Variants in KAZN observed in about 807,000 individuals in gnomAD.
KAZN encodes the protein kazrin.
KAZN carries 40 observed loss-of-function variants against 87.4 expected under a neutral mutation model. That is an observed-to-expected ratio of 0.46 (90% CI 0.36 to 0.60). The LOEUF (loss-of-function observed/expected upper bound fraction) is 0.60, where lower values mean the gene tolerates loss of function less well. Among genes scored for constraint, KAZN ranks in the 20% least tolerant of loss-of-function variants. The pLI, the probability that KAZN is intolerant of heterozygous loss-of-function variation, is 0.00. For missense variants in KAZN, 898 were observed against 1,073.9 expected, an observed-to-expected ratio of 0.84 and a Z score of 2.29; for synonymous variants, 466 against 458.3, an observed-to-expected ratio of 1.02 and a Z score of -0.22.
At chr1:14,663,378 G>A (rs892349521) in intron 1 of KAZN, among the ~76,000 whole-genome samples, 1 of 152,208 alleles carries the variant, frequency 6.6e-6, no homozygotes. Context: ...ACAGGCAAGA[G>A]AGGGAGAGTC....
At chr1:14,312,708 A>G (rs1439107162) in intron 2 of KAZN, among the ~76,000 whole-genome samples, 1 of 152,074 alleles carries the variant, frequency 6.6e-6, no homozygotes, top group Non-Finnish European at 1.5e-5. Context: ...CACTTGAATG[A>G]TTGGGTTACA....
At chr1:14,439,227 C>G (rs1666565483) in intron 2 of KAZN, among the ~76,000 whole-genome samples, 1 of 152,210 alleles carries the variant, frequency 6.6e-6, no homozygotes, top group South Asian at 2.1e-4. Flanking sequence ...TGGTCATCAT[C>G]CTTCCTCCTT....
At chr1:14,531,295 C>G (rs183388648) in intron 2 of KAZN, among the ~76,000 whole-genome samples, 2 of 152,314 alleles carry the variant, frequency 1.3e-5, no homozygotes, top group East Asian at 3.9e-4. Context: ...AAGATCAAAA[C>G]AGTCATAGAA....
At chr1:14,909,166 C>T (rs547329378) in intron 1 of KAZN, among the ~76,000 whole-genome samples, 2 of 152,296 alleles carry the variant, frequency 1.3e-5, no homozygotes, top group South Asian at 4.1e-4. Context: ...CGTAGAGTTG[C>T]AGTGATAATT....
At position 14,234,409 on chromosome 1, in the gene KAZN, T is replaced by TGG. The variant is rs34408876; in HGVS notation, c.249+53822_249+53823dup. 1.1e-4 allele frequency among the ~76,000 whole-genome samples: 15 copies of TGG among 139,078 alleles called. No homozygotes were observed. The East Asian group carries it at 2.1e-3, about 19-fold the overall frequency. The allele number at this position is 139,078 out of a possible 152,430, so 91.2% of individuals were successfully genotyped here. A position where few individuals can be genotyped will look rare whatever the true frequency, so the allele number is the denominator to read the frequency against. On this transcript the variant is annotated intron_variant, in intron 2 of 16. Transcript: ENST00000636203. Reference sequence around the variant, plus strand: ...TCACACACCGGGGCCTGTTAGGGGATGGGGGGCTAGGGGTGGGATAGCATT... The same window carrying TGG: ...TCACACACCGGGGCCTGTTAGGGGATGGGGGGGGCTAGGGGTGGGATAGCATT...
intron 8 of KAZN, among the ~76,000 whole-genome samples, chr1:15,080,889 C>T (rs1310914175): frequency 2.6e-5 from 4 of 152,336 alleles, no homozygotes; most frequent in Middle Eastern, 6.8e-3. Context: ...TGCTCCCCAG[C>T]AGCTTGTGGT....
intron 1 of KAZN, among the ~76,000 whole-genome samples, chr1:13,933,991 T>A (rs1363863782): frequency 6.6e-6 from 1 of 152,174 alleles, no homozygotes; most frequent in Non-Finnish European, 1.5e-5. Context: ...GAAAGCCAGC[T>A]TGAAGTCAAG....
intron 1 of KAZN, among the ~76,000 whole-genome samples, chr1:14,113,092 T>C (rs1158559308): frequency 6.6e-6 from 1 of 152,244 alleles, no homozygotes; most frequent in African/African-American, 2.4e-5. Context: ...TGTTTATTTC[T>C]ACAGTGTAGA....
rs1397001523 is a variant in KAZN, at chr1:14,735,958, A to G, written c.226+136735A>G. On this transcript the variant is annotated intron_variant, in intron 1 of 14. Coordinates refer to ENST00000376030, the MANE Select transcript of KAZN (RefSeq NM_201628.3). The surrounding 1 kb of genome is among the most constrained non-coding windows in gnomAD (Gnocchi z 4.3). The stretch of plus-strand genomic sequence containing the variant: ...GGGGGGAATGTGGAGCCCCCGCAGG[A>G]AGATGAGTTACCTCCAACAAATAAG... Among the ~76,000 whole-genome samples, 1 of 152,154 alleles carries G rather than the reference A, an allele frequency of 6.6e-6. No individual in the cohort carries two copies. The highest frequency in any genetic ancestry group is 1.5e-5 in the Non-Finnish European group (1 of 68,032).
At chr1:14,655,858 C>G (rs1459778097) in intron 1 of KAZN, among the ~76,000 whole-genome samples, 1 of 152,160 alleles carries the variant, frequency 6.6e-6, no homozygotes, top group African/African-American at 2.4e-5. Context: ...AGAAGGGACC[C>G]AGAGCCAGCA....
intron 8 of KAZN, among the ~76,000 whole-genome samples, chr1:15,088,637 C>T (rs550156310): frequency 2.6e-5 from 4 of 152,220 alleles, no homozygotes; most frequent in South Asian, 2.1e-4. Context: ...TGATGGAATC[C>T]GGACATAAAA....
At chr1:15,012,075 T>TG (rs1669628721) in intron 2 of KAZN, among the ~76,000 whole-genome samples, 1 of 152,176 alleles carries the variant, frequency 6.6e-6, no homozygotes, top group Non-Finnish European at 1.5e-5. Flanking sequence ...GCAGGTCCCT[T>TG]GCATGTGGAG....
intron 1 of KAZN, among the ~76,000 whole-genome samples, chr1:13,975,122 G>A (rs1419706597): frequency 1.3e-5 from 2 of 152,160 alleles, no homozygotes. Flanking sequence ...GAGATTTTAC[G>A]TTGAGAGCCT....
At chr1:14,332,789 C>T (rs1656944732) in intron 2 of KAZN, among the ~76,000 whole-genome samples, 1 of 152,190 alleles carries the variant, frequency 6.6e-6, no homozygotes, top group South Asian at 2.1e-4. Flanking sequence ...GTGAGAATTC[C>T]TGTGCCTTTG....
At chr1:14,607,861 A>C (rs1170070821) in intron 1 of KAZN, among the ~76,000 whole-genome samples, 1 of 152,220 alleles carries the variant, frequency 6.6e-6, no homozygotes, top group East Asian at 1.9e-4. Flanking sequence ...GAGATCATCC[A>C]AGGGGGCAAT....
intron 2 of KAZN, among the ~76,000 whole-genome samples, chr1:14,484,003 C>A (rs1019693717): frequency 1.4e-4 from 21 of 152,070 alleles, no homozygotes; most frequent in Admixed American, 1.4e-3. Context: ...TTTCCAGTAC[C>A]GTTTATTAAA....
chr1:14,939,045 T>G (rs1330903860), intron 1 of KAZN, among the ~76,000 whole-genome samples: 1 of 152,088 alleles, frequency 6.6e-6, no homozygotes, highest in Non-Finnish European at 1.5e-5. Flanking sequence ...TGACCTTGGT[T>G]CACTGCAACC....
At chr1:13,965,978 C>A (rs1416010785) in intron 1 of KAZN, among the ~76,000 whole-genome samples, 3 of 152,066 alleles carry the variant, frequency 2.0e-5, no homozygotes, top group Non-Finnish European at 4.4e-5. Context: ...GGAGATGGAG[C>A]CCAGGAGGGG....
intron 13 of KAZN, among the ~76,000 whole-genome samples, chr1:15,111,271 TTTG>T (rs1283093849): frequency 3.8e-4 from 56 of 147,584 alleles, no homozygotes; most frequent in African/African-American, 1.4e-3. Flanking sequence ...GTTGTTGTTG[TTTG>T]TTGTTGTTGT....
Sources: allele counts gnomAD v4.1 joint callset (sites outside exome capture counted in the v4.1 genomes callset), GRCh38; gene constraint gnomAD v4.1.1; non-coding constraint Gnocchi (gnomAD v3.1); transcripts MANE v1.5; gene names NCBI Gene and HGNC (gene_info 2026-07-23, HGNC 2026-07-21).